RPS6KA2: variants seen among roughly 807,000 people sequenced by gnomAD.
The protein encoded by RPS6KA2 is ribosomal protein S6 kinase A2.
A neutral mutation model predicts 91.8 loss-of-function variants in RPS6KA2; 42 were observed. The ratio of observed to expected loss-of-function variants is 0.46; its 90% CI spans 0.36 to 0.59. The LOEUF (loss-of-function observed/expected upper bound fraction) is 0.59. Ranked by LOEUF, RPS6KA2 falls within the 20% of genes least tolerant of loss-of-function variation. The probability of loss-of-function intolerance (pLI) is 0.00; values close to 1 mark genes in which losing one functional copy is unlikely to be tolerated. For missense variants in RPS6KA2, 798 were observed against 978.5 expected, an observed-to-expected ratio of 0.82 and a Z score of 2.46; for synonymous variants, 414 against 393.6, an observed-to-expected ratio of 1.05 and a Z score of -0.61.
At chr6:166,597,620 T>C (rs950584930) in intron 1 of RPS6KA2, among the ~76,000 whole-genome samples, 3 of 152,230 alleles carry the variant, frequency 2.0e-5, no homozygotes, top group African/African-American at 7.2e-5. Context: ...CGTTCTGGAA[T>C]GCAATGATCA....
Position 166,423,129 on chromosome 6 carries a change from A to G in RPS6KA2, c.1743+127T>C. On this transcript the variant is annotated intron_variant, in intron 17 of 20. Coordinates refer to ENST00000265678, the MANE Select transcript of RPS6KA2 (RefSeq NM_021135.6). This position sits in a 1 kb window ranked among gnomAD's most constrained non-coding sequence, Gnocchi z 4.8. The stretch of plus-strand genomic sequence containing the variant: ...CTGAAGGTTCTCGTTTCTGTTTCCC[A>G]ACACCACTGCTGACGCAGCTCAAGC... 1 of 928,576 alleles carries G rather than the reference A, an allele frequency of 1.1e-6. No homozygotes were observed. Among genetic ancestry groups the G allele is most frequent in the East Asian group, 2.7e-5 (1 of 37,680 alleles). 57.5% of individuals were successfully genotyped at this position (928,576 alleles called of 1,614,324 possible). A position where few individuals can be genotyped will look rare whatever the true frequency, so the allele number is the denominator to read the frequency against.
chr6:166,694,935 A>G (rs1245659651), intron 2 of RPS6KA2, among the ~76,000 whole-genome samples: 1 of 152,230 alleles, frequency 6.6e-6, no homozygotes, highest in African/African-American at 2.4e-5. Context: ...ATTTGCTTAC[A>G]TAAGTCTGCT....
intron 2 of RPS6KA2, among the ~76,000 whole-genome samples, chr6:166,780,853 A>C (rs1224730560): frequency 6.6e-6 from 1 of 152,174 alleles, no homozygotes; most frequent in Non-Finnish European, 1.5e-5. Context: ...TGTGGACAAG[A>C]CCTTTTAAAA....
chr6:166,592,699 C>CT (rs1785394512), intron 1 of RPS6KA2, among the ~76,000 whole-genome samples: 2 of 60 alleles, frequency 0.033, no homozygotes, highest in Non-Finnish European at 0.067. Flanking sequence ...CAGCGCTTCA[C>CT]TTCCAGGAGA....
At chr6:166,589,568 A>T (rs1187971579) in intron 1 of RPS6KA2, among the ~76,000 whole-genome samples, 1 of 152,224 alleles carries the variant, frequency 6.6e-6, no homozygotes, top group Non-Finnish European at 1.5e-5. Context: ...AAACAATGTC[A>T]TTCTACCCTT....
intron 2 of RPS6KA2, among the ~76,000 whole-genome samples, chr6:166,637,510 G>T (rs1347646278): frequency 6.6e-6 from 1 of 152,230 alleles, no homozygotes; most frequent in Non-Finnish European, 1.5e-5. Flanking sequence ...GACACACAAG[G>T]TGGAGAGTAG....
intron 2 of RPS6KA2, among the ~76,000 whole-genome samples, 174 bp from the exon 3 acceptor site, chr6:166,531,487 T>G (rs1783275310): frequency 6.6e-6 from 1 of 152,262 alleles, no homozygotes; most frequent in South Asian, 2.1e-4. Context: ...TGCTCTAAGT[T>G]CCTATAGCTC....
chr6:166,862,677 T>C (rs1781077568), upstream of RPS6KA2: 1 of 153,596 alleles, frequency 6.5e-6, no homozygotes, highest in South Asian at 2.0e-4. Flanking sequence ...CCATAGAAAC[T>C]GCATAGCAAC....
At chr6:166,740,186 A>G (rs1790772082) in intron 2 of RPS6KA2, among the ~76,000 whole-genome samples, 1 of 152,204 alleles carries the variant, frequency 6.6e-6, no homozygotes, top group Non-Finnish European at 1.5e-5. Context: ...AGAGACACCT[A>G]CCTTGTGGTA....
At chr6:166,641,185 A>C (rs1284834861) in intron 2 of RPS6KA2, among the ~76,000 whole-genome samples, 1 of 152,168 alleles carries the variant, frequency 6.6e-6, no homozygotes, top group African/African-American at 2.4e-5. Context: ...TAAATCACTA[A>C]ATAATCACAG....
intron 2 of RPS6KA2, among the ~76,000 whole-genome samples, chr6:166,532,826 T>TGTGAGA (rs1783331580): frequency 1.3e-5 from 2 of 149,404 alleles, no homozygotes; most frequent in African/African-American, 5.0e-5. Context: ...GTGTGGAGTG[T>TGTGAGA]GAGAGAGAGA....
chr6:166,455,417 G>A (rs997924584), intron 12 of RPS6KA2, among the ~76,000 whole-genome samples: 7 of 152,186 alleles, frequency 4.6e-5, no homozygotes, highest in Middle Eastern at 3.4e-3. Flanking sequence ...TCATGGACCC[G>A]GGCTCATCTT....
intron 16 of RPS6KA2, among the ~76,000 whole-genome samples, chr6:166,425,952 CTAA>C (rs1280069267): frequency 2.0e-5 from 3 of 151,994 alleles, no homozygotes; most frequent in African/African-American, 7.3e-5. Flanking sequence ...CCAAGCAGAC[CTAA>C]TAGACATCTA....
intron 2 of RPS6KA2, among the ~76,000 whole-genome samples, chr6:166,679,015 T>C (rs1788701121): frequency 6.6e-6 from 1 of 152,210 alleles, no homozygotes; most frequent in South Asian, 2.1e-4. Context: ...GTAATATTAA[T>C]TCTATAGGAT....
chr6:166,614,887 G>A (rs1301452700), intron 1 of RPS6KA2, among the ~76,000 whole-genome samples: 1 of 152,066 alleles, frequency 6.6e-6, no homozygotes, highest in Non-Finnish European at 1.5e-5. Context: ...GGAACATCAC[G>A]CCATCTCCAG....
chr6:166,670,896 C>T (rs188583063), intron 2 of RPS6KA2, among the ~76,000 whole-genome samples: 15 of 152,362 alleles, frequency 9.8e-5, no homozygotes, highest in Admixed American at 9.1e-4. Flanking sequence ...GGTCAGCTGA[C>T]TGCAACCTCC....
At chr6:166,862,242 A>G in exon 1 of RPS6KA2, 6 of 1,608,948 alleles carry the variant, frequency 3.7e-6, no homozygotes, top group Non-Finnish European at 4.2e-6. Context: ...TCGGACCGGC[A>G]CAGGGGGACG....
Position 166,614,342 on chromosome 6 carries a change from C to T in RPS6KA2, c.99+12579G>A, listed in dbSNP as rs543184863. Among the ~76,000 whole-genome samples the T allele has an allele frequency of 2.6e-5, 4 of 152,310 alleles. No individual in the cohort carries two copies. The East Asian group carries it at 5.8e-4, about 22-fold the overall frequency. ...CTAGTGAACACCTCGAGCCCTCTATCGTAATACCTCGAGCCCCCATTCCCA... is the reference window on the plus strand; with the variant it reads ...CTAGTGAACACCTCGAGCCCTCTATTGTAATACCTCGAGCCCCCATTCCCA... On this transcript the variant is annotated intron_variant, in intron 1 of 20. Transcript: ENST00000265678.
Position 166,411,294 on chromosome 6 carries a change from G to A in RPS6KA2, c.*1468C>T, listed in dbSNP as rs559429352. 1.3e-5 allele frequency: 2 copies of A among 151,918 alleles called. No individual in the cohort carries two copies. The highest frequency in any genetic ancestry group is 2.9e-5 in the Non-Finnish European group (2 of 67,960). 9.4% of individuals were successfully genotyped at this position (151,918 alleles called of 1,614,324 possible). A position where few individuals can be genotyped will look rare whatever the true frequency, so the allele number is the denominator to read the frequency against. On this transcript the variant is annotated 3_prime_UTR_variant, in exon 21 of 21. Transcript: ENST00000265678. This position sits in a 1 kb window ranked among gnomAD's most constrained non-coding sequence, Gnocchi z 4.5. ...CCCAACAAAATAACATCTTCTTAGGGAAAACCTGGCTGTGGCCAGCGGGCA... is the reference window on the plus strand; with the variant it reads ...CCCAACAAAATAACATCTTCTTAGGAAAAACCTGGCTGTGGCCAGCGGGCA...
Sources: gnomAD v4.1 joint callset for allele counts (sites outside exome capture counted in the v4.1 genomes callset) on GRCh38, gnomAD v4.1.1 for gene constraint, Gnocchi (gnomAD v3.1) non-coding constraint, MANE v1.5 for transcripts, NCBI Gene and HGNC (gene_info 2026-07-23, HGNC 2026-07-21) for gene names.